PBRM1: variants seen among roughly 807,000 people sequenced by gnomAD.
PBRM1 encodes polybromo 1.
Under a neutral mutation model 194.5 loss-of-function variants are expected in PBRM1, and 27 were observed. The observed-to-expected ratio is 0.14, with a 90% CI of 0.10 to 0.19. The LOEUF (loss-of-function observed/expected upper bound fraction) is 0.19, where lower values mean the gene tolerates loss of function less well. Ranked by LOEUF, PBRM1 falls within the 10% of genes least tolerant of loss-of-function variation. PBRM1 has a pLI of 1.00. For synonymous variants in PBRM1, 655 were observed against 693.2 expected, an observed-to-expected ratio of 0.94 and a Z score of 0.87; for missense variants, 1,466 against 2,077.2, an observed-to-expected ratio of 0.71 and a Z score of 5.72.
At chr3:52,625,237 G>T (rs894843741) in intron 13 of PBRM1, among the ~76,000 whole-genome samples, 20 of 152,140 alleles carry the variant, frequency 1.3e-4, no homozygotes, top group African/African-American at 4.6e-4. Flanking sequence ...GGAAAACTTA[G>T]CCCTGACTTC....
chr3:52,545,967 A>T (rs1020211039), downstream of PBRM1: 33 of 232,532 alleles, frequency 1.4e-4, no homozygotes, highest in Admixed American at 1.7e-4. Flanking sequence ...CAGGCTTTTT[A>T]AAAAAAACTT....
intron 10 of PBRM1, among the ~76,000 whole-genome samples, chr3:52,636,554 A>G (rs558550510): frequency 2.0e-5 from 3 of 151,472 alleles, no homozygotes; most frequent in African/African-American, 7.2e-5. Flanking sequence ...TCAGTAGTTC[A>G]AGACCAGCCT....
chr3:52,564,637 GAGACCCT>G (rs1193725903), intron 22 of PBRM1, among the ~76,000 whole-genome samples: 2 of 144,842 alleles, frequency 1.4e-5, no homozygotes, highest in African/African-American at 5.1e-5. Context: ...GTGACAGAGT[GAGACCCT>G]ATCTCAAGAA....
chr3:52,616,020 C>T (rs2094934039), intron 14 of PBRM1, among the ~76,000 whole-genome samples: 1 of 152,150 alleles, frequency 6.6e-6, no homozygotes, highest in Non-Finnish European at 1.5e-5. Context: ...CATCCACAGC[C>T]CCTCCTCTTA....
chr3:52,582,687 AAT>A (rs1158340638), intron 20 of PBRM1, among the ~76,000 whole-genome samples: 1 of 152,088 alleles, frequency 6.6e-6, no homozygotes, highest in Admixed American at 6.5e-5. Flanking sequence ...ATACTGATAA[AAT>A]ATAAAAAATC....
chr3:52,567,817 T>TG (rs1439537806), intron 22 of PBRM1, among the ~76,000 whole-genome samples: 1 of 148,286 alleles, frequency 6.7e-6, no homozygotes, highest in African/African-American at 2.5e-5. Flanking sequence ...TTTTTTTTTT[T>TG]TTTTTTTTTT....
intron 27 of PBRM1, among the ~76,000 whole-genome samples, chr3:52,552,779 A>G (rs2081294508): frequency 6.6e-6 from 1 of 152,216 alleles, no homozygotes; most frequent in South Asian, 2.1e-4. Context: ...TGGCTCAGTG[A>G]TACCCTGTAT....
chr3:52,566,042 T>C (rs2085107636), intron 22 of PBRM1, among the ~76,000 whole-genome samples: 1 of 146,160 alleles, frequency 6.8e-6, no homozygotes, highest in African/African-American at 2.5e-5. Context: ...AGAGCGAGAC[T>C]CTGTCTCAAA....
chr3:52,638,886 A>T (rs1350688297), intron 10 of PBRM1, among the ~76,000 whole-genome samples: 2 of 150,060 alleles, frequency 1.3e-5, no homozygotes, highest in Non-Finnish European at 2.9e-5. Context: ...GGTGTGAGCC[A>T]GCCTTTTTAT....
At chr3:52,608,008 C>T (rs1239086233) in intron 16 of PBRM1, among the ~76,000 whole-genome samples, 1 of 152,156 alleles carries the variant, frequency 6.6e-6, no homozygotes, top group African/African-American at 2.4e-5. Context: ...TCATTTGAAC[C>T]CTACCTATCA....
intron 18 of PBRM1, 96 bp downstream of exon 20, chr3:52,588,974 T>A: frequency 2.5e-6 from 2 of 808,698 alleles, no homozygotes; most frequent in Admixed American, 4.2e-5. Flanking sequence ...TGGAAAGGCT[T>A]AAGATGTCTG....
chr3:52,684,977 T>C (rs150650135), intron 1 of PBRM1: 1 of 152,342 alleles, frequency 6.6e-6, no homozygotes, highest in East Asian at 1.9e-4. Flanking sequence ...TTTGCACTTT[T>C]TGGGGAAAAG....
Position 52,657,950 on chromosome 3 carries a change from C to T in PBRM1, c.645+249G>A, listed in dbSNP as rs1230057164. 2.6e-5 allele frequency among the ~76,000 whole-genome samples: 4 copies of T among 151,944 alleles called. No homozygotes were observed. The East Asian group carries it at 7.7e-4, about 29-fold the overall frequency. On this transcript the variant is annotated intron_variant, in intron 5 of 29. Transcript: ENST00000296302. Reference sequence around the variant, plus strand: ...GGGATTATAGGCATGCGCCACCACACCCAGCTAATTTTTTGTATTTTTAGT... The same window carrying T: ...GGGATTATAGGCATGCGCCACCACATCCAGCTAATTTTTTGTATTTTTAGT...
intron 15 of PBRM1, 63 bp downstream of exon 17, chr3:52,615,288 A>G: frequency 1.2e-6 from 1 of 853,064 alleles, no homozygotes; most frequent in South Asian, 1.5e-5. Flanking sequence ...ATATTATTTC[A>G]GAAAAATCAG....
At chr3:52,682,690 G>T (rs1233995361), upstream of PBRM1, among the ~76,000 whole-genome samples, 2 of 152,202 alleles carry the variant, frequency 1.3e-5, no homozygotes, top group Admixed American at 1.3e-4. Flanking sequence ...CAGAATAGGA[G>T]TCCTAAGTCT....
At chr3:52,645,309 T>A (rs2153736497) in intron 7 of PBRM1, among the ~76,000 whole-genome samples, 1 of 151,828 alleles carries the variant, frequency 6.6e-6, no homozygotes, top group South Asian at 2.1e-4. Context: ...GAATAGCAGA[T>A]TCATCTTTTT....
At chr3:52,630,870 T>G (rs1308646384) in intron 11 of PBRM1, among the ~76,000 whole-genome samples, 1 of 152,208 alleles carries the variant, frequency 6.6e-6, no homozygotes, top group Non-Finnish European at 1.5e-5. Flanking sequence ...GGCTAAGAAT[T>G]TGTCTTCTTT....
chr3:52,588,920 G>A (rs1398849844), intron 18 of PBRM1, 150 bp downstream of exon 20: 1 of 601,166 alleles, frequency 1.7e-6, no homozygotes, highest in Non-Finnish European at 2.9e-6. Flanking sequence ...TTTTTCATAT[G>A]ATGGGTGCTT....
exon 17 of PBRM1, chr3:52,603,632 C>A: frequency 6.2e-7 from 1 of 1,613,384 alleles, no homozygotes; most frequent in Non-Finnish European, 8.5e-7. Context: ...TAGCTGAGTG[C>A]CGGTGAAAGA....
Sources: gnomAD v4.1 joint callset for allele counts (sites outside exome capture counted in the v4.1 genomes callset) on GRCh38, gnomAD v4.1.1 for gene constraint, MANE v1.5 for transcripts, NCBI Gene and HGNC (gene_info 2026-07-23, HGNC 2026-07-21) for gene names.